The following EFCAB12 variants were observed in gnomAD, a reference collection of about 807,000 sequenced individuals.
The protein encoded by EFCAB12 is EF-hand calcium-binding domain-containing protein 12.
Under a neutral mutation model 53.6 loss-of-function variants are expected in EFCAB12, and 43 were observed. The ratio of observed to expected loss-of-function variants is 0.80; its 90% CI spans 0.63 to 1.03. The LOEUF (loss-of-function observed/expected upper bound fraction) is 1.03. EFCAB12 is among the 50% of genes least tolerant of loss of function. The pLI, the probability that EFCAB12 is intolerant of heterozygous loss-of-function variation, is 0.00. For synonymous variants in EFCAB12, 269 were observed against 289.2 expected (o/e 0.93, Z 0.71); for missense variants, 646 against 730.6 (o/e 0.88, Z 1.34).
At position 129,415,418 on chromosome 3, in the gene EFCAB12, C is replaced by T. The variant is rs532726464; in HGVS notation, c.682-17G>A. 1 of 1,613,126 alleles carries T rather than the reference C, an allele frequency of 6.2e-7. No individual in the cohort carries two copies. Among genetic ancestry groups the T allele is most frequent in the Admixed American group, 1.7e-5 (1 of 59,934 alleles). On this transcript the variant is annotated splice_polypyrimidine_tract_variant and intron_variant, in intron 3 of 8. Coordinates refer to ENST00000505956, the MANE Select transcript of EFCAB12 (RefSeq NM_207307.3). Reference sequence around the variant, plus strand: ...GACTCCGACCTGAGGAGAGAGAAGACCTTCAGACTAGCAGGCTCCCATCCA... The same window carrying T: ...GACTCCGACCTGAGGAGAGAGAAGATCTTCAGACTAGCAGGCTCCCATCCA...
chr3:129,415,317 C>G lies in EFCAB12; in HGVS notation c.766G>C (p.Asp256His), dbSNP rs1410123734. Reference sequence around the variant, plus strand: ...TGCTTGTAGGTATTGGCCAGGATATCCATGGTGATGGTGTTGTGCTTCCCA... The same window carrying G: ...TGCTTGTAGGTATTGGCCAGGATATGCATGGTGATGGTGTTGTGCTTCCCA... ...SLGKHNTITM[D>H]ILANTYKQWS... Residue 256 changes from aspartate (D) to histidine (H), a missense_variant, in exon 4 of 9, where the codon GAT becomes CAT. By Grantham distance (81) the Asp-to-His change is moderately conservative. Coordinates refer to ENST00000505956, the MANE Select transcript of EFCAB12 (RefSeq NM_207307.3). 6.2e-7 allele frequency: 1 copy of G among 1,613,512 alleles called. No homozygotes were observed. The highest frequency in any genetic ancestry group is 1.7e-5 in the Admixed American group (1 of 60,000).
intron 1 of EFCAB12, among the ~76,000 whole-genome samples, chr3:129,425,905 T>C (rs1042193471): frequency 2.0e-5 from 3 of 152,248 alleles, no homozygotes; most frequent in African/African-American, 7.2e-5. Flanking sequence ...CACTAAACTC[T>C]GACTGCTAGA....
At chr3:129,408,026 C>T (rs989913417) in intron 6 of EFCAB12, among the ~76,000 whole-genome samples, 3 of 152,178 alleles carry the variant, frequency 2.0e-5, no homozygotes, top group Admixed American at 6.5e-5. Context: ...GAAGTGCTCA[C>T]CCCGCAGAGA....
chr3:129,402,788 C>T, intron 7 of EFCAB12: 1 of 557,612 alleles, frequency 1.8e-6, no homozygotes, highest in Non-Finnish European at 3.2e-6. Context: ...GCTGGACCTA[C>T]CCTCAGAATC....
intron 3 of EFCAB12, among the ~76,000 whole-genome samples, chr3:129,417,805 G>C (rs942946589): frequency 7.1e-6 from 1 of 140,728 alleles, no homozygotes; most frequent in Non-Finnish European, 1.6e-5. Context: ...CCAGGAGCTC[G>C]TTAGAAATAC....
intron 1 of EFCAB12, among the ~76,000 whole-genome samples, chr3:129,426,652 C>T (rs1392267321): frequency 2.0e-5 from 3 of 151,406 alleles, no homozygotes; most frequent in Admixed American, 6.6e-5. Context: ...GCGTGAGCCA[C>T]GGCGCCCGGC....
intron 1 of EFCAB12, among the ~76,000 whole-genome samples, chr3:129,428,055 A>T (rs764110884): frequency 5.9e-5 from 9 of 151,980 alleles, no homozygotes; most frequent in Non-Finnish European, 1.3e-4. Flanking sequence ...ACCCCTTCTT[A>T]TTCTGTAATT....
intron 3 of EFCAB12, among the ~76,000 whole-genome samples, chr3:129,417,608 A>G (rs1374992900): frequency 6.6e-6 from 1 of 152,212 alleles, no homozygotes; most frequent in African/African-American, 2.4e-5. Flanking sequence ...ACTTTCCATG[A>G]TGATGGAAAT....
intron 2 of EFCAB12, 81 bp from the exon 3 acceptor site, chr3:129,418,529 C>T: frequency 1.5e-6 from 2 of 1,317,928 alleles, no homozygotes; most frequent in Non-Finnish European, 2.0e-6. Context: ...GAGTTAGGGA[C>T]TAAGGAGAGG....
intron 4 of EFCAB12, chr3:129,414,541 G>A (rs986068030): frequency 1.3e-5 from 2 of 152,242 alleles, no homozygotes; most frequent in African/African-American, 2.4e-5. Context: ...GCTAGAATGG[G>A]TGGGTGGTTG....
At chr3:129,407,913 C>T (rs2071974258) in intron 6 of EFCAB12, among the ~76,000 whole-genome samples, 1 of 152,186 alleles carries the variant, frequency 6.6e-6, no homozygotes, top group African/African-American at 2.4e-5. Context: ...GACTCCATTT[C>T]AAAACAAAAC....
Position 129,401,675 on chromosome 3 carries a change from GGGTGGTA to G in EFCAB12, c.1630_1636del (p.Tyr544LeufsTer13). 6.3e-7 allele frequency: 1 copy of G among 1,589,976 alleles called. No individual in the cohort carries two copies. The highest frequency in any genetic ancestry group is 8.6e-7 in the Non-Finnish European group (1 of 1,168,152). On this transcript the variant is annotated frameshift_variant, in exon 9 of 9. Transcript: ENST00000505956. LOFTEE classifies it low-confidence loss of function (END_TRUNC). ...GTTCCTAAGGGGCCACCAGTGGTCAGGGTGGTAGGTGGCTGGGTAGACATGGGGCTGG... is the reference window on the plus strand; with the variant it reads ...GTTCCTAAGGGGCCACCAGTGGTCAGGGTGGCTGGGTAGACATGGGGCTGG...
intron 5 of EFCAB12, 126 bp from the exon 6 acceptor site, chr3:129,408,984 C>G: frequency 9.7e-7 from 1 of 1,028,370 alleles, no homozygotes. Flanking sequence ...GTGATGGCAA[C>G]CAACGTCCAG....
Position 129,411,305 on chromosome 3 carries a change from C to T in EFCAB12, c.888G>A (p.Lys296=). Reference sequence around the variant, plus strand: ...GCTGTGGGGCTGAATCCACCTCCTGCTTCTTGAGCGGACCCTTCAGGGAAT... The same window carrying T: ...GCTGTGGGGCTGAATCCACCTCCTGTTTCTTGAGCGGACCCTTCAGGGAAT... The part of the protein sequence containing the change: ...HRDSLKGPLK[K]QEVDSAPQLP... The change falls in exon 5 of 9, where the codon AAG becomes AAA. Residue 296 remains lysine, a synonymous_variant. Coordinates refer to ENST00000505956, the MANE Select transcript of EFCAB12 (RefSeq NM_207307.3). 6.2e-7 allele frequency: 1 copy of T among 1,609,410 alleles called. No homozygotes were observed. The highest frequency in any genetic ancestry group is 8.5e-7 in the Non-Finnish European group (1 of 1,176,994).
intron 6 of EFCAB12, 63 bp downstream of exon 6, chr3:129,408,582 A>G (rs985189663): frequency 9.2e-6 from 14 of 1,519,760 alleles, no homozygotes; most frequent in Non-Finnish European, 1.2e-5. Context: ...GGGTGGCATC[A>G]CCCTCACCCC....
intron 4 of EFCAB12, 97 bp from the exon 5 acceptor site, chr3:129,411,451 C>T (rs2072039231): frequency 7.9e-7 from 1 of 1,271,782 alleles, no homozygotes; most frequent in South Asian, 1.4e-5. Flanking sequence ...CAGCAGGCAC[C>T]AGGCCACCCC....
chr3:129,419,462 T>C (rs1396830296), intron 2 of EFCAB12, among the ~76,000 whole-genome samples: 2 of 152,224 alleles, frequency 1.3e-5, no homozygotes, highest in Non-Finnish European at 2.9e-5. Flanking sequence ...TCATGAGGTG[T>C]CTGCTCTTAT....
At chr3:129,415,021 A>T in intron 4 of EFCAB12, 1 of 459,078 alleles carries the variant, frequency 2.2e-6, no homozygotes. Flanking sequence ...GCTGGGACTC[A>T]TTTGTCTTTG....
chr3:129,419,957 T>C (rs2072168690), intron 2 of EFCAB12, among the ~76,000 whole-genome samples: 1 of 152,340 alleles, frequency 6.6e-6, no homozygotes, highest in Admixed American at 6.5e-5. Context: ...GAATTAGGTA[T>C]GAGGTACTAC....
Sources: gnomAD v4.1 joint callset for allele counts (sites outside exome capture counted in the v4.1 genomes callset) on GRCh38, gnomAD v4.1.1 for gene constraint, MANE v1.5 for transcripts, NCBI Gene and HGNC (gene_info 2026-07-23, HGNC 2026-07-21) for gene names.